The following SATB2 variants were observed in gnomAD, a reference collection of about 807,000 sequenced individuals.
SATB2 encodes DNA-binding protein SATB2.
SATB2 carries 1 observed loss-of-function variant against 73.4 expected under a neutral mutation model. That is an observed-to-expected ratio of 0.01 (90% confidence interval 0.00 to 0.06). The LOEUF is 0.06. SATB2 is among the 10% of genes least tolerant of loss of function. SATB2 has a pLI of 1.00. For synonymous variants in SATB2, 397 were observed against 367.0 expected (o/e 1.08, Z -0.93); for missense variants, 459 against 945.8 (o/e 0.49, Z 6.75).
chr2:199,436,116 A>G (rs939565260), intron 2 of SATB2, among the ~76,000 whole-genome samples: 13 of 152,324 alleles, frequency 8.5e-5, no homozygotes, highest in African/African-American at 2.4e-4. Flanking sequence ...AATGAATCCA[A>G]TTGCTCCATA....
chr2:199,328,474 G>A (rs1169207456), intron 8 of SATB2, among the ~76,000 whole-genome samples: 2 of 152,052 alleles, frequency 1.3e-5, no homozygotes, highest in African/African-American at 4.8e-5. Context: ...CCAGGAGGCG[G>A]AGGCTGCAGT....
intron 8 of SATB2, among the ~76,000 whole-genome samples, chr2:199,327,842 G>A (rs1465080514): frequency 6.6e-6 from 1 of 152,174 alleles, no homozygotes; most frequent in Non-Finnish European, 1.5e-5. Flanking sequence ...GGATCATTGA[G>A]TGACATCTCA....
chr2:199,279,097 T>C (rs1016674660), intron 10 of SATB2, among the ~76,000 whole-genome samples: 6 of 152,218 alleles, frequency 3.9e-5, no homozygotes, highest in African/African-American at 1.4e-4. Context: ...CTCTCTGGGC[T>C]GAAATGTGAC....
intron 8 of SATB2, among the ~76,000 whole-genome samples, chr2:199,326,642 G>A (rs1209161039): frequency 1.3e-5 from 2 of 152,096 alleles, no homozygotes; most frequent in South Asian, 2.1e-4. Context: ...AAGTATGCCT[G>A]GGCTCTTCTA....
chr2:199,310,538 GTTTCC>G (rs1287267286), intron 9 of SATB2, among the ~76,000 whole-genome samples: 1 of 152,086 alleles, frequency 6.6e-6, no homozygotes, highest in Non-Finnish European at 1.5e-5. Context: ...GTCCCCAAGT[GTTTCC>G]TCAAGGGTTT....
At chr2:199,445,532 G>C (rs1458890130) in intron 2 of SATB2, among the ~76,000 whole-genome samples, 1 of 152,108 alleles carries the variant, frequency 6.6e-6, no homozygotes, top group Non-Finnish European at 1.5e-5. Context: ...CCCCAGTTTT[G>C]GGGGAGTTTA....
intron 6 of SATB2, among the ~76,000 whole-genome samples, chr2:199,362,740 A>G (rs139593154): frequency 1.3e-3 from 191 of 152,260 alleles, no homozygotes; most frequent in Non-Finnish European, 1.9e-3. Flanking sequence ...GAATGACAAG[A>G]TATGTGTTAT....
upstream of SATB2, among the ~76,000 whole-genome samples, chr2:199,460,802 A>G (rs1375441622): frequency 6.6e-6 from 1 of 152,254 alleles, no homozygotes; most frequent in Non-Finnish European, 1.5e-5. The surrounding 1 kb of genome is among the most constrained non-coding windows in gnomAD (Gnocchi z 4.0). Context: ...AATATTTTAT[A>G]AAGTGTAAAT....
upstream of SATB2, among the ~76,000 whole-genome samples, chr2:199,458,963 G>C (rs1692393154): frequency 6.6e-6 from 1 of 152,208 alleles, no homozygotes; most frequent in Non-Finnish European, 1.5e-5. Flanking sequence ...CAGGAGCACG[G>C]CCACTGCCCG....
intron 3 of SATB2, among the ~76,000 whole-genome samples, chr2:199,401,433 C>A (rs904498810): frequency 1.3e-5 from 2 of 150,892 alleles, no homozygotes; most frequent in African/African-American, 4.9e-5. Context: ...CGTGCCTGTA[C>A]TCCCAGCTAC....
chr2:199,411,419 C>A (rs1386293617), intron 3 of SATB2, among the ~76,000 whole-genome samples: 1 of 152,110 alleles, frequency 6.6e-6, no homozygotes, highest in African/African-American at 2.4e-5. Context: ...ATGACTATTG[C>A]TCTATTTATT....
chr2:199,272,815 A>G lies in SATB2; in HGVS notation c.1741-143T>C, dbSNP rs1319724466. 1.3e-6 allele frequency: 1 copy of G among 782,236 alleles called. No homozygotes were observed. Among genetic ancestry groups the G allele is most frequent in the Non-Finnish European group, 2.1e-6 (1 of 468,406 alleles). The allele number at this position is 782,236 out of a possible 1,614,324, so 48.5% of individuals were successfully genotyped here. On this transcript the variant is annotated intron_variant, in intron 10 of 10. Coordinates refer to ENST00000417098, the MANE Select transcript of SATB2 (RefSeq NM_001172509.2). This position sits in a 1 kb window ranked among gnomAD's most constrained non-coding sequence, Gnocchi z 6.7. ...GTAAAGTCAGGTCTTTGGAAAGCTT[A>G]AAAGCATTTCTGGACATTTAGTATC...
chr2:199,422,063 T>C (rs912968972), intron 3 of SATB2, among the ~76,000 whole-genome samples: 1 of 152,140 alleles, frequency 6.6e-6, no homozygotes, highest in South Asian at 2.1e-4. Context: ...TCATTTGATT[T>C]GAAAATCCAA....
At chr2:199,368,939 A>G (rs1689365373) in intron 5 of SATB2, 1 of 434,468 alleles carries the variant, frequency 2.3e-6, no homozygotes, top group African/African-American at 2.0e-5. Context: ...AATGTCAACA[A>G]TGGAGGGGAC....
At chr2:199,381,906 C>A in intron 3 of SATB2, 86 bp from the exon 4 acceptor site, 2 of 1,440,216 alleles carry the variant, frequency 1.4e-6, no homozygotes, top group South Asian at 1.2e-5. Flanking sequence ...GAAGGTCATT[C>A]AATCATCAAC....
upstream of SATB2, among the ~76,000 whole-genome samples, chr2:199,458,897 C>T (rs370498098): frequency 2.0e-5 from 3 of 152,108 alleles, no homozygotes; most frequent in Admixed American, 1.3e-4. Context: ...GGCCGCTTCT[C>T]CTTCAAAGCT....
At chr2:199,412,862 AAT>A (rs1163049798) in intron 3 of SATB2, among the ~76,000 whole-genome samples, 1 of 152,212 alleles carries the variant, frequency 6.6e-6, no homozygotes, top group East Asian at 1.9e-4. Context: ...ATCCATGGAG[AAT>A]GTAGCTAACT....
At chr2:199,378,105 C>T (rs1488397336) in intron 5 of SATB2, among the ~76,000 whole-genome samples, 1 of 152,180 alleles carries the variant, frequency 6.6e-6, no homozygotes, top group Non-Finnish European at 1.5e-5. Context: ...ACATATCTGG[C>T]ATAAAAGAAC....
chr2:199,342,204 G>T (rs1184199170), intron 7 of SATB2, among the ~76,000 whole-genome samples: 1 of 151,978 alleles, frequency 6.6e-6, no homozygotes, highest in East Asian at 1.9e-4. Flanking sequence ...AACAGAGCTG[G>T]GATGTTATCT....
Sources: allele counts gnomAD v4.1 joint callset (sites outside exome capture counted in the v4.1 genomes callset), GRCh38; gene constraint gnomAD v4.1.1; non-coding constraint Gnocchi (gnomAD v3.1); transcripts MANE v1.5; gene names NCBI Gene and HGNC (gene_info 2026-07-23, HGNC 2026-07-21).